BTBD9: variants seen among roughly 807,000 people sequenced by gnomAD.
The protein encoded by BTBD9 is BTB domain containing 9, also known as BTB/POZ domain-containing protein 9.
A neutral mutation model predicts 64.3 loss-of-function variants in BTBD9; 49 were observed. The ratio of observed to expected loss-of-function variants is 0.76; its 90% CI spans 0.61 to 0.97. The LOEUF (loss-of-function observed/expected upper bound fraction) is 0.97, where lower values mean the gene tolerates loss of function less well. BTBD9 is among the 50% of genes least tolerant of loss of function. The pLI is 0.00. For synonymous variants in BTBD9, 260 were observed against 274.7 expected, an observed-to-expected ratio of 0.95 and a Z score of 0.53; for missense variants, 598 against 762.1, an observed-to-expected ratio of 0.78 and a Z score of 2.53.
chr6:38,572,168 T>C (rs1775800396), intron 6 of BTBD9, among the ~76,000 whole-genome samples: 1 of 152,240 alleles, frequency 6.6e-6, no homozygotes, highest in African/African-American at 2.4e-5. Context: ...AATTATGTGA[T>C]GTGCTTATTA....
At chr6:38,240,564 C>T (rs573880722) in intron 9 of BTBD9, among the ~76,000 whole-genome samples, 8 of 152,164 alleles carry the variant, frequency 5.3e-5, no homozygotes, top group Non-Finnish European at 1.0e-4. Flanking sequence ...GAAGAAAATA[C>T]TGCCTGAAAA....
intron 7 of BTBD9, among the ~76,000 whole-genome samples, chr6:38,298,246 A>AT (rs1200549213): frequency 3.9e-5 from 6 of 152,066 alleles, no homozygotes; most frequent in Non-Finnish European, 7.4e-5. Flanking sequence ...TATACATTAA[A>AT]TTTTTATCCT....
At chr6:38,500,392 G>T (rs1427355765) in intron 6 of BTBD9, among the ~76,000 whole-genome samples, 1 of 152,084 alleles carries the variant, frequency 6.6e-6, no homozygotes, top group Non-Finnish European at 1.5e-5. Flanking sequence ...AAAAATTTAC[G>T]GCAGTAATTT....
chr6:38,477,468 G>A (rs1009022012), intron 6 of BTBD9, among the ~76,000 whole-genome samples: 1 of 152,204 alleles, frequency 6.6e-6, no homozygotes, highest in Admixed American at 6.5e-5. Flanking sequence ...AAGCAAGACT[G>A]TCTTTTCCTT....
chr6:38,296,227 T>A (rs977382904), intron 7 of BTBD9, among the ~76,000 whole-genome samples: 1 of 152,170 alleles, frequency 6.6e-6, no homozygotes, highest in Non-Finnish European at 1.5e-5. Flanking sequence ...TTGTCATATA[T>A]TCTTGGCCCT....
intron 6 of BTBD9, among the ~76,000 whole-genome samples, chr6:38,487,343 G>A (rs1482441302): frequency 6.6e-6 from 1 of 152,190 alleles, no homozygotes; most frequent in Non-Finnish European, 1.5e-5. Context: ...CACTTTGGGA[G>A]ACCGAGGAGG....
chr6:38,490,600 G>T (rs781746122), intron 6 of BTBD9, among the ~76,000 whole-genome samples: 26 of 152,148 alleles, frequency 1.7e-4, no homozygotes, highest in Non-Finnish European at 3.2e-4. Context: ...GATTACAGGT[G>T]TGAGTCACTG....
chr6:38,436,683 T>C (rs1419390973), intron 6 of BTBD9, among the ~76,000 whole-genome samples: 1 of 150,026 alleles, frequency 6.7e-6, no homozygotes, highest in Non-Finnish European at 1.5e-5. Context: ...GCCCAAATTC[T>C]AATTTGGATA....
At chr6:38,521,782 C>G (rs1372017309) in intron 6 of BTBD9, among the ~76,000 whole-genome samples, 3 of 152,116 alleles carry the variant, frequency 2.0e-5, no homozygotes, top group Non-Finnish European at 2.9e-5. Context: ...TTAAGCAATT[C>G]TCCTGCCTCA....
intron 6 of BTBD9, among the ~76,000 whole-genome samples, chr6:38,538,275 T>C (rs536686108): frequency 1.3e-5 from 2 of 152,304 alleles, no homozygotes; most frequent in East Asian, 1.9e-4. Flanking sequence ...GTTAAGTCCA[T>C]AGTGTTAAAC....
intron 8 of BTBD9, among the ~76,000 whole-genome samples, chr6:38,281,030 A>T (rs969476317): frequency 3.3e-5 from 5 of 152,236 alleles, no homozygotes; most frequent in Non-Finnish European, 5.9e-5. Context: ...CCTACTAGAG[A>T]TTGAGTGCAG....
chr6:38,398,791 C>G (rs1210315093), intron 6 of BTBD9, among the ~76,000 whole-genome samples: 1 of 152,140 alleles, frequency 6.6e-6, no homozygotes, highest in Non-Finnish European at 1.5e-5. Flanking sequence ...CTAATTTATT[C>G]TTATACCCAT....
Position 38,267,113 on chromosome 6 carries a change from T to A in BTBD9, c.1455-10597A>T, listed in dbSNP as rs146361964. 1.4e-3 allele frequency among the ~76,000 whole-genome samples: 219 copies of A among 152,324 alleles called. 4 individuals are homozygous for A. The East Asian group carries it at 0.031, about 21-fold the overall frequency. On this transcript the variant is annotated intron_variant, in intron 8 of 10. Transcript: ENST00000481247. ...TGTGTGAGAGGCAGAAATGCCGAGGTCCTGCCCAGACGATAGGGCTTAGCT... is the reference window on the plus strand; with the variant it reads ...TGTGTGAGAGGCAGAAATGCCGAGGACCTGCCCAGACGATAGGGCTTAGCT...
chr6:38,300,868 T>C (rs1431294885), intron 7 of BTBD9, among the ~76,000 whole-genome samples: 6 of 152,326 alleles, frequency 3.9e-5, no homozygotes, highest in Admixed American at 6.5e-5. Context: ...TCCTGACTGA[T>C]TGCCCTGGCC....
At chr6:38,585,162 C>T (rs1282619607) in intron 4 of BTBD9, among the ~76,000 whole-genome samples, 2 of 152,168 alleles carry the variant, frequency 1.3e-5, no homozygotes, top group African/African-American at 4.8e-5. Context: ...CGACACTACA[C>T]ACTCCCATGG....
chr6:38,353,799 AG>A (rs1166191538), intron 6 of BTBD9, among the ~76,000 whole-genome samples: 1 of 152,212 alleles, frequency 6.6e-6, no homozygotes, highest in African/African-American at 2.4e-5. Context: ...TGTGAACTAG[AG>A]AAAAAGCAGA....
chr6:38,546,268 C>T (rs895555202), intron 6 of BTBD9, among the ~76,000 whole-genome samples: 1 of 152,084 alleles, frequency 6.6e-6, no homozygotes, highest in Non-Finnish European at 1.5e-5. Context: ...AGGACAAATG[C>T]CAACATACCA....
chr6:38,456,593 C>T (rs1769821584), intron 6 of BTBD9, among the ~76,000 whole-genome samples: 1 of 152,086 alleles, frequency 6.6e-6, no homozygotes, highest in African/African-American at 2.4e-5. Context: ...TTTTAATCTG[C>T]ATCACCCTAA....
chr6:38,261,108 AT>A (rs879362546), intron 8 of BTBD9, among the ~76,000 whole-genome samples: 189 of 144,030 alleles, frequency 1.3e-3, no homozygotes, highest in Non-Finnish European at 1.2e-3. Context: ...CCCAGCTGAT[AT>A]TTTTTTTTTT....
Sources: allele counts gnomAD v4.1 joint callset (sites outside exome capture counted in the v4.1 genomes callset), GRCh38; gene constraint gnomAD v4.1.1; transcripts MANE v1.5; gene names NCBI Gene and HGNC (gene_info 2026-07-23, HGNC 2026-07-21).